The following TCAIM variants were observed in gnomAD, a reference collection of about 807,000 sequenced individuals.
TCAIM encodes the protein T cell activation inhibitor, mitochondrial.
Under a neutral mutation model 58.6 loss-of-function variants are expected in TCAIM, and 36 were observed. That is an observed-to-expected ratio of 0.61 (90% CI 0.47 to 0.81). The LOEUF (loss-of-function observed/expected upper bound fraction) is 0.81. Ranked by LOEUF, TCAIM falls within the 30% of genes least tolerant of loss-of-function variation. TCAIM has a pLI of 0.00. For synonymous variants in TCAIM, 172 were observed against 193.6 expected, an observed-to-expected ratio of 0.89 and a Z score of 0.93; for missense variants, 466 against 579.6, an observed-to-expected ratio of 0.80 and a Z score of 2.01.
intron 5 of TCAIM, among the ~76,000 whole-genome samples, chr3:44,385,965 T>TA (rs1701732139): frequency 6.6e-6 from 1 of 152,174 alleles, no homozygotes. Flanking sequence ...GAGAAATGCT[T>TA]ACAAACAGTA....
chr3:44,405,277 A>T (rs1462439628), intron 10 of TCAIM, among the ~76,000 whole-genome samples: 3 of 152,204 alleles, frequency 2.0e-5, no homozygotes, highest in African/African-American at 7.2e-5. Flanking sequence ...ACTCTATATC[A>T]TATATTTCAA....
intron 5 of TCAIM, among the ~76,000 whole-genome samples, chr3:44,378,196 C>G (rs1293520013): frequency 2.0e-5 from 3 of 151,858 alleles, no homozygotes; most frequent in Non-Finnish European, 4.4e-5. Flanking sequence ...GCCTGGCCAA[C>G]ATGGTGAAAC....
At chr3:44,343,336 T>G (rs749360590) in intron 1 of TCAIM, among the ~76,000 whole-genome samples, 5 of 152,080 alleles carry the variant, frequency 3.3e-5, no homozygotes, top group Non-Finnish European at 7.4e-5. Flanking sequence ...ACTACCTACT[T>G]TGACAGTCAC....
chr3:44,356,944 G>A (rs759324197), intron 2 of TCAIM, among the ~76,000 whole-genome samples: 2 of 151,916 alleles, frequency 1.3e-5, no homozygotes, highest in Non-Finnish European at 2.9e-5. Flanking sequence ...TCATGCCACT[G>A]CACTCCAGCC....
At chr3:44,399,936 A>G (rs1701996538) in intron 8 of TCAIM, among the ~76,000 whole-genome samples, 1 of 152,216 alleles carries the variant, frequency 6.6e-6, no homozygotes, top group South Asian at 2.1e-4. Flanking sequence ...TATTTATTGC[A>G]CTTAATTGTA....
At chr3:44,387,780 C>T (rs1701768551) in intron 5 of TCAIM, among the ~76,000 whole-genome samples, 1 of 152,200 alleles carries the variant, frequency 6.6e-6, no homozygotes, top group African/African-American at 2.4e-5. Context: ...AAAGACACTA[C>T]CAACCACAGA....
intron 5 of TCAIM, among the ~76,000 whole-genome samples, chr3:44,368,881 G>C (rs1701421172): frequency 6.6e-6 from 1 of 152,078 alleles, no homozygotes; most frequent in African/African-American, 2.4e-5. Context: ...AATTTAGCCA[G>C]GCATGGTGGT....
chr3:44,407,711 GA>G lies in TCAIM; in HGVS notation c.*30del. On this transcript the variant is annotated 3_prime_UTR_variant, in exon 11 of 11. Transcript: ENST00000342649. Reference sequence around the variant, plus strand: ...AGAAATCTGTTTTATTTTTTTAAGAGATAAGAAAGGAACTTAAATTAAAAAT... The same window carrying G: ...AGAAATCTGTTTTATTTTTTTAAGAGTAAGAAAGGAACTTAAATTAAAAAT... 6.5e-7 allele frequency: 1 copy of G among 1,535,548 alleles called. No individual in the cohort carries two copies. Among genetic ancestry groups the G allele is most frequent in the Non-Finnish European group, 8.7e-7 (1 of 1,144,128 alleles).
intron 10 of TCAIM, among the ~76,000 whole-genome samples, chr3:44,403,531 C>T (rs1702054364): frequency 6.6e-6 from 1 of 152,154 alleles, no homozygotes; most frequent in African/African-American, 2.4e-5. Flanking sequence ...GCAATTCTAG[C>T]CAACTGTTCA....
intron 6 of TCAIM, among the ~76,000 whole-genome samples, chr3:44,394,829 G>C (rs540872809): frequency 7.1e-6 from 1 of 139,948 alleles, no homozygotes; most frequent in East Asian, 2.2e-4. Flanking sequence ...AGGAGACAGA[G>C]GTTGCAGTGA....
In TCAIM at chr3:44,367,708, C is replaced by T. The variant is rs760856961; in HGVS notation, c.572C>T (p.Thr191Ile). Reference sequence around the variant, plus strand: ...GTCTCGAGAGTGGAAACAACTCTCACGTATGTAAAAGTTTTTATCTAACTA... The same window carrying T: ...GTCTCGAGAGTGGAAACAACTCTCATGTATGTAAAAGTTTTTATCTAACTA... ...EQVSRVETTLTSWLDNNGKSA... is the reference protein window; with the variant it reads ...EQVSRVETTLISWLDNNGKSA... Residue 191 changes from threonine (T) to isoleucine (I), a missense_variant and splice_region_variant, in exon 5 of 11, where the codon ACA becomes ATA. By Grantham distance (89) the Thr-to-Ile change is moderately conservative (BLOSUM62 -1). Transcript: ENST00000342649. 3 of 1,600,986 alleles carry T rather than the reference C, an allele frequency of 1.9e-6. No individual in the cohort carries two copies. The highest frequency in any genetic ancestry group is 8.5e-7 in the Non-Finnish European group (1 of 1,171,596).
At chr3:44,399,868 A>G (rs1701995202) in intron 8 of TCAIM, among the ~76,000 whole-genome samples, 1 of 152,136 alleles carries the variant, frequency 6.6e-6, no homozygotes, top group South Asian at 2.1e-4. Context: ...AAACTCTTAT[A>G]ATCTGTACAC....
intron 5 of TCAIM, among the ~76,000 whole-genome samples, chr3:44,370,381 G>T (rs1701445356): frequency 6.6e-6 from 1 of 151,634 alleles, no homozygotes; most frequent in Non-Finnish European, 1.5e-5. Context: ...GCTTGAACCG[G>T]GGAGGTGGAG....
intron 4 of TCAIM, chr3:44,362,742 C>T (rs963667603): frequency 4.2e-6 from 1 of 237,690 alleles, no homozygotes; most frequent in African/African-American, 2.2e-5. Flanking sequence ...ATGTTGATCA[C>T]TCTAAGTGAC....
rs1702130443 is a variant in TCAIM, at chr3:44,408,202, G to T, written c.*520G>T. ...ATGTTGGGTTGGGCTGGAGAGGTAT[G>T]TGTGTGTAAATATAAAGGTCTCACA... On this transcript the variant is annotated 3_prime_UTR_variant, in exon 11 of 11. Transcript: ENST00000342649. 1 of 152,270 alleles carries T rather than the reference G, an allele frequency of 6.6e-6. No individual in the cohort carries two copies. Among genetic ancestry groups the T allele is most frequent in the South Asian group, 2.1e-4 (1 of 4,834 alleles). 9.4% of individuals were successfully genotyped at this position (152,270 alleles called of 1,614,324 possible). A position where few individuals can be genotyped will look rare whatever the true frequency, so the allele number is the denominator to read the frequency against.
intron 1 of TCAIM, among the ~76,000 whole-genome samples, chr3:44,353,164 G>A (rs1360428635): frequency 6.6e-6 from 1 of 151,824 alleles, no homozygotes; most frequent in Non-Finnish European, 1.5e-5. Flanking sequence ...CAGGTGATCC[G>A]CCTGCCTCAG....
chr3:44,388,769 T>C (rs946772869), intron 5 of TCAIM, among the ~76,000 whole-genome samples: 1 of 152,214 alleles, frequency 6.6e-6, no homozygotes, highest in Non-Finnish European at 1.5e-5. Context: ...GTGAAGTGCC[T>C]ATGTCCCCAT....
At chr3:44,346,953 G>GATTT (rs1700982874) in intron 1 of TCAIM, among the ~76,000 whole-genome samples, 1 of 152,178 alleles carries the variant, frequency 6.6e-6, no homozygotes, top group African/African-American at 2.4e-5. Flanking sequence ...GCAGGGAAAG[G>GATTT]ATTTAGGATT....
At chr3:44,359,641 C>T (rs930559323) in intron 3 of TCAIM, 33 of 152,184 alleles carry the variant, frequency 2.2e-4, no homozygotes, top group African/African-American at 7.7e-4. Context: ...TTGTCACACA[C>T]CATTGCTGGG....
Sources: gnomAD v4.1 joint callset for allele counts (sites outside exome capture counted in the v4.1 genomes callset) on GRCh38, gnomAD v4.1.1 for gene constraint, MANE v1.5 for transcripts, NCBI Gene and HGNC (gene_info 2026-07-23, HGNC 2026-07-21) for gene names.